ZBBX: variants seen among roughly 807,000 people sequenced by gnomAD.
The protein encoded by ZBBX is zinc finger B-box domain containing.
In ZBBX, 101 loss-of-function variants were observed where a neutral mutation model predicts 108.5. That is an observed-to-expected ratio of 0.93 (90% confidence interval 0.79 to 1.10). ZBBX has a LOEUF of 1.10. Ranked by LOEUF, ZBBX falls within the 50% of genes least tolerant of loss-of-function variation. The pLI is 0.00. For missense variants in ZBBX, 1,009 were observed against 941.4 expected (o/e 1.07, Z -0.94); for synonymous variants, 356 against 323.4 (o/e 1.10, Z -1.08).
chr3:167,232,366 C>A, the ZBBX span, among the ~76,000 whole-genome samples: 33 of 151,910 alleles, frequency 2.2e-4, no homozygotes, highest in East Asian at 6.2e-3. Context: ...ATAAATGGCT[C>A]GTTTTCACCT....
chr3:167,292,434 C>CA (rs1730863471), intron 18 of ZBBX, among the ~76,000 whole-genome samples: 1 of 152,142 alleles, frequency 6.6e-6, no homozygotes, highest in Non-Finnish European at 1.5e-5. Context: ...AACTGAACAA[C>CA]CTGCTCCTGA....
chr3:167,346,314 G>A (rs1445766354), intron 9 of ZBBX, among the ~76,000 whole-genome samples: 2 of 151,826 alleles, frequency 1.3e-5, no homozygotes, highest in Non-Finnish European at 2.9e-5. Context: ...TCACTGCCAA[G>A]TACAAATCAA....
chr3:167,179,211 C>A, the ZBBX span, among the ~76,000 whole-genome samples: 1 of 152,098 alleles, frequency 6.6e-6, no homozygotes, highest in Non-Finnish European at 1.5e-5. Flanking sequence ...TGGGTGACAC[C>A]CATTTGCCAA....
chr3:167,374,779 T>C (rs1746689610), intron 2 of ZBBX, among the ~76,000 whole-genome samples: 2 of 152,068 alleles, frequency 1.3e-5, no homozygotes, highest in South Asian at 4.1e-4. Flanking sequence ...TGTGATAATA[T>C]AGGAAGTGAA....
At chr3:167,200,720 G>A in the ZBBX span, among the ~76,000 whole-genome samples, 41,778 of 144,170 alleles carry the variant, frequency 0.29, 6,274 homozygotes, top group East Asian at 0.65. Flanking sequence ...AAGTAAATAC[G>A]CTCTGTTTCC....
rs148371757 is a variant in ZBBX at position 167,315,623 on chromosome 3, T to C, written c.1274+127A>G. On this transcript the variant is annotated intron_variant, in intron 15 of 21. Coordinates refer to ENST00000675490, the MANE Select transcript of ZBBX (RefSeq NM_001199201.2). ...ATATTTAAGCATGGGTTAAGTAAAA[T>C]ATACTCTGACATTAATGTCACATGT... 5,057 of 653,918 alleles carry C rather than the reference T, an allele frequency of 7.7e-3. 36 individuals are homozygous for C. Among genetic ancestry groups the C allele is most frequent in the Non-Finnish European group, 0.012 (4,342 of 375,916 alleles). The allele number at this position is 653,918 out of a possible 1,614,324, so 40.5% of individuals were successfully genotyped here.
intron 4 of ZBBX, among the ~76,000 whole-genome samples, chr3:167,372,625 T>A (rs1746326768): frequency 6.6e-6 from 1 of 152,218 alleles, no homozygotes; most frequent in African/African-American, 2.4e-5. Context: ...CAAACCTTTA[T>A]AACTTGTCAC....
chr3:167,219,999 A>C, the ZBBX span, among the ~76,000 whole-genome samples: 2 of 152,050 alleles, frequency 1.3e-5, no homozygotes, highest in Non-Finnish European at 2.9e-5. Flanking sequence ...AAAACACAGA[A>C]GAATTGGATA....
chr3:167,254,700 A>G lies in ZBBX; in HGVS notation c.2255-12057T>C, dbSNP rs139265188. On this transcript the variant is annotated intron_variant, in intron 20 of 21. Transcript: ENST00000675490. Reference sequence around the variant, plus strand: ...AAAAGCAATTCAAAGATATAAAAACAGAAAATTTCTTTGAAAATAACGGGT... The same window carrying G: ...AAAAGCAATTCAAAGATATAAAAACGGAAAATTTCTTTGAAAATAACGGGT... 2.4e-3 allele frequency among the ~76,000 whole-genome samples: 364 copies of G among 152,294 alleles called. 2 individuals carry two copies. The highest frequency in any genetic ancestry group is 7.4e-3 in the African/African-American group (306 of 41,572).
At chr3:167,325,974 T>C (rs978976159) in intron 11 of ZBBX, among the ~76,000 whole-genome samples, 1 of 152,176 alleles carries the variant, frequency 6.6e-6, no homozygotes, top group Non-Finnish European at 1.5e-5. Context: ...CACAGTAATC[T>C]TTTTGGAGGC....
chr3:167,348,290 G>GAA (rs1577060168), intron 9 of ZBBX, among the ~76,000 whole-genome samples: 7 of 95,994 alleles, frequency 7.3e-5, no homozygotes, highest in South Asian at 3.8e-4. Flanking sequence ...AAGGAAGGAA[G>GAA]GAAAGAAGAA....
At chr3:167,196,589 G>T in the ZBBX span, among the ~76,000 whole-genome samples, 1 of 152,052 alleles carries the variant, frequency 6.6e-6, no homozygotes, top group East Asian at 1.9e-4. Context: ...CTGTAGCCCA[G>T]ACTTATCAAC....
chr3:167,250,079 A>G (rs2108353168), intron 20 of ZBBX, among the ~76,000 whole-genome samples: 1 of 152,346 alleles, frequency 6.6e-6, no homozygotes, highest in Non-Finnish European at 1.5e-5. Flanking sequence ...GATTCAGTCG[A>G]GAACAGCTAA....
At chr3:167,230,495 A>G in the ZBBX span, among the ~76,000 whole-genome samples, 1 of 151,934 alleles carries the variant, frequency 6.6e-6, no homozygotes, top group Non-Finnish European at 1.5e-5. Flanking sequence ...TGTCTCCTTT[A>G]TATACAGTGG....
intron 20 of ZBBX, among the ~76,000 whole-genome samples, chr3:167,265,977 G>A (rs1180997641): frequency 1.3e-5 from 2 of 152,204 alleles, no homozygotes; most frequent in African/African-American, 4.8e-5. Flanking sequence ...TGGGGGAAGG[G>A]TGGCATTGGT....
intron 9 of ZBBX, among the ~76,000 whole-genome samples, chr3:167,339,610 A>G (rs1370334773): frequency 1.3e-5 from 2 of 152,060 alleles, no homozygotes; most frequent in Non-Finnish European, 2.9e-5. Flanking sequence ...TCTTCCCTCA[A>G]GCCCTGTTAA....
At chr3:167,323,361 G>C (rs369274679) in intron 11 of ZBBX, among the ~76,000 whole-genome samples, 3 of 151,874 alleles carry the variant, frequency 2.0e-5, no homozygotes, top group African/African-American at 7.3e-5. Flanking sequence ...AAAGCAGCTG[G>C]CCCGTGATTC....
chr3:167,187,194 G>A, the ZBBX span, among the ~76,000 whole-genome samples: 1 of 152,136 alleles, frequency 6.6e-6, no homozygotes, highest in Non-Finnish European at 1.5e-5. Context: ...TTATTAAAAT[G>A]AAGAATTCTT....
intron 4 of ZBBX, among the ~76,000 whole-genome samples, chr3:167,369,654 A>T (rs1278215101): frequency 6.6e-6 from 1 of 152,206 alleles, no homozygotes; most frequent in East Asian, 1.9e-4. Flanking sequence ...ATTGAGAGGA[A>T]TAGATGAGCA....
Sources: allele counts gnomAD v4.1 joint callset (sites outside exome capture counted in the v4.1 genomes callset), GRCh38; gene constraint gnomAD v4.1.1; transcripts MANE v1.5; gene names NCBI Gene and HGNC (gene_info 2026-07-23, HGNC 2026-07-21).